The following ATXN1 variants were observed in gnomAD, a reference collection of about 807,000 sequenced individuals.
ATXN1 encodes ataxin 1, also known as ataxin-1.
Under a neutral mutation model 56.4 loss-of-function variants are expected in ATXN1, and 8 were observed. That is an observed-to-expected ratio of 0.14 (90% CI 0.08 to 0.26). ATXN1 has a LOEUF of 0.26. Among genes scored for constraint, ATXN1 ranks in the 10% least tolerant of loss-of-function variants. The pLI is 1.00. For synonymous variants in ATXN1, 514 were observed against 494.6 expected, an observed-to-expected ratio of 1.04 and a Z score of -0.52; for missense variants, 987 against 1,106.5, an observed-to-expected ratio of 0.89 and a Z score of 1.53.
intron 5 of ATXN1, among the ~76,000 whole-genome samples, chr6:16,499,957 T>C (rs895410960): frequency 3.9e-5 from 6 of 152,118 alleles, no homozygotes; most frequent in Non-Finnish European, 5.9e-5. Context: ...CTTACTTAAC[T>C]GGTCTGGGGT....
In ATXN1 at chr6:16,744,393, C is replaced by T. The variant is rs113089959; in HGVS notation, c.-615+8840G>A. ...TGTAAGACAGAAGTTGTAAAGACCCCGACCCCAGAGACTTGGATAATGGTT... is the reference window on the plus strand; with the variant it reads ...TGTAAGACAGAAGTTGTAAAGACCCTGACCCCAGAGACTTGGATAATGGTT... On this transcript the variant is annotated intron_variant, in intron 2 of 7. Transcript: ENST00000436367. 8.1e-4 allele frequency among the ~76,000 whole-genome samples: 124 copies of T among 152,278 alleles called. 1 individual carries two copies. Among genetic ancestry groups the T allele is most frequent in the African/African-American group, 2.9e-3 (119 of 41,562 alleles).
At chr6:16,354,119 G>A (rs1471553505) in intron 6 of ATXN1, among the ~76,000 whole-genome samples, 2 of 152,186 alleles carry the variant, frequency 1.3e-5, no homozygotes, top group Non-Finnish European at 2.9e-5. Context: ...GTGGGTATCA[G>A]TGATTTCAAT....
chr6:16,546,810 G>T (rs929380625), intron 4 of ATXN1, among the ~76,000 whole-genome samples: 2 of 152,174 alleles, frequency 1.3e-5, no homozygotes, highest in African/African-American at 4.8e-5. Flanking sequence ...GAGTGGTGGG[G>T]AGGCATACAT....
chr6:16,646,395 T>C (rs1333439493), intron 3 of ATXN1, among the ~76,000 whole-genome samples: 1 of 152,216 alleles, frequency 6.6e-6, no homozygotes, highest in African/African-American at 2.4e-5. Context: ...TGGATAGCTA[T>C]GTTGAAGGGA....
chr6:16,749,517 G>A (rs1333023771), intron 2 of ATXN1, among the ~76,000 whole-genome samples: 3 of 152,256 alleles, frequency 2.0e-5, no homozygotes, highest in South Asian at 4.1e-4. Context: ...CTTAAAGGAA[G>A]AGAGGTTTTG....
chr6:16,465,989 G>A lies in ATXN1; in HGVS notation c.-161+19983C>T, dbSNP rs1369709262. On this transcript the variant is annotated intron_variant, in intron 6 of 7. Transcript: ENST00000436367. ...GAAAAGTCATAGCGAACTGTGTCCAGGAAGCTGAGATGGAAGAGGAATAAC... is the reference window on the plus strand; with the variant it reads ...GAAAAGTCATAGCGAACTGTGTCCAAGAAGCTGAGATGGAAGAGGAATAAC... Among the ~76,000 whole-genome samples the A allele has an allele frequency of 6.6e-5, 10 of 152,150 alleles. 1 individual carries two copies. The highest frequency in any genetic ancestry group is 6.5e-4 in the Admixed American group (10 of 15,286).
intron 6 of ATXN1, among the ~76,000 whole-genome samples, chr6:16,420,907 T>C (rs895660150): frequency 1.3e-5 from 2 of 152,180 alleles, no homozygotes; most frequent in South Asian, 2.1e-4. Context: ...ACTGAAAACA[T>C]GTACGTAATC....
intron 6 of ATXN1, among the ~76,000 whole-genome samples, chr6:16,470,542 T>C (rs937324652): frequency 6.6e-6 from 1 of 152,242 alleles, no homozygotes; most frequent in African/African-American, 2.4e-5. Flanking sequence ...CTTTGAAACT[T>C]ACATGCAAAG....
intron 2 of ATXN1, among the ~76,000 whole-genome samples, chr6:16,660,126 T>C (rs1434628856): frequency 1.3e-5 from 2 of 152,248 alleles, no homozygotes. Flanking sequence ...CACTTCTTTT[T>C]AAGCAATAAT....
At chr6:16,571,271 T>C (rs1449229298) in intron 4 of ATXN1, among the ~76,000 whole-genome samples, 2 of 152,132 alleles carry the variant, frequency 1.3e-5, no homozygotes, top group Admixed American at 1.3e-4. Flanking sequence ...CATAGAACCA[T>C]TGACTACCAT....
At chr6:16,761,211 G>A (rs1420560644) in intron 1 of ATXN1, 87 bp downstream of exon 1, 5 of 390,514 alleles carry the variant, frequency 1.3e-5, no homozygotes, top group African/African-American at 8.3e-5. Context: ...GGAGATCGGG[G>A]GAGGAGGGAT....
chr6:16,366,112 T>C (rs179965), intron 6 of ATXN1, among the ~76,000 whole-genome samples: 125,592 of 152,188 alleles, frequency 0.83, 52,475 homozygotes, highest in East Asian at 1. Context: ...TCTTGGATGT[T>C]TACCTTTTCT....
At chr6:16,630,878 A>G (rs967191002) in intron 3 of ATXN1, among the ~76,000 whole-genome samples, 2 of 152,238 alleles carry the variant, frequency 1.3e-5, no homozygotes, top group Non-Finnish European at 2.9e-5. Context: ...AGGTTTCATT[A>G]TGTAAATGGC....
chr6:16,637,239 C>T (rs1013960317), intron 3 of ATXN1, among the ~76,000 whole-genome samples: 6 of 151,352 alleles, frequency 4.0e-5, no homozygotes, highest in East Asian at 1.9e-4. Flanking sequence ...AGCAAATTAT[C>T]GCAAGGACAA....
At chr6:16,483,106 T>C (rs540836711) in intron 6 of ATXN1, among the ~76,000 whole-genome samples, 1 of 152,294 alleles carries the variant, frequency 6.6e-6, no homozygotes, top group African/African-American at 2.4e-5. Flanking sequence ...AGTGTCAGCA[T>C]CATTCTCTTC....
chr6:16,384,903 A>G (rs981790005), intron 6 of ATXN1, among the ~76,000 whole-genome samples: 1 of 152,214 alleles, frequency 6.6e-6, no homozygotes, highest in African/African-American at 2.4e-5. Context: ...GTGAGAAGAG[A>G]CTAATACATC....
At chr6:16,398,188 G>C (rs1467502225) in intron 6 of ATXN1, among the ~76,000 whole-genome samples, 2 of 151,980 alleles carry the variant, frequency 1.3e-5, no homozygotes, top group Non-Finnish European at 2.9e-5. Flanking sequence ...TTACAAATAC[G>C]AACTCCACCA....
At chr6:16,613,128 G>A (rs1235369214) in intron 3 of ATXN1, among the ~76,000 whole-genome samples, 6 of 149,572 alleles carry the variant, frequency 4.0e-5, no homozygotes, top group Non-Finnish European at 5.9e-5. Flanking sequence ...AGCCGGGCGC[G>A]GTGGCGGGCG....
intron 6 of ATXN1, among the ~76,000 whole-genome samples, chr6:16,383,554 G>C (rs1561874903): frequency 6.6e-6 from 1 of 152,088 alleles, no homozygotes; most frequent in Non-Finnish European, 1.5e-5. Flanking sequence ...TAAAATATAA[G>C]TTGCCCTTCC....
Sources: gnomAD v4.1 joint callset for allele counts (sites outside exome capture counted in the v4.1 genomes callset) on GRCh38, gnomAD v4.1.1 for gene constraint, MANE v1.5 for transcripts, NCBI Gene and HGNC (gene_info 2026-07-23, HGNC 2026-07-21) for gene names.